The following CHL1 variants were observed in gnomAD, a reference collection of about 807,000 sequenced individuals.
The protein encoded by CHL1 is neural cell adhesion molecule L1-like protein.
CHL1 carries 96 observed loss-of-function variants against 141.9 expected under a neutral mutation model. That is an observed-to-expected ratio of 0.68 (90% CI 0.57 to 0.80). The LOEUF is 0.80. Ranked by LOEUF, CHL1 falls within the 30% of genes least tolerant of loss-of-function variation. CHL1 has a pLI of 0.00. For synonymous variants in CHL1, 613 were observed against 502.2 expected (o/e 1.22, Z -2.95); for missense variants, 1,820 against 1,457.2 (o/e 1.25, Z -4.05).
chr3:213,879 G>A (rs1252292801), intron 1 of CHL1, among the ~76,000 whole-genome samples: 1 of 152,006 alleles, frequency 6.6e-6, no homozygotes, highest in Non-Finnish European at 1.5e-5. Flanking sequence ...AGTACCATTT[G>A]AAAAAACTTT....
intron 2 of CHL1, among the ~76,000 whole-genome samples, chr3:249,062 GAC>G (rs1328071497): frequency 1.3e-5 from 2 of 152,166 alleles, no homozygotes; most frequent in Non-Finnish European, 2.9e-5. Flanking sequence ...GTAAAACATT[GAC>G]ACAAATCACA....
At position 309,160 on chromosome 3, in the gene CHL1, A is replaced by G. The variant is rs1012366470; in HGVS notation, c.-94-10523A>G. 6 of 152,564 alleles carry G rather than the reference A, an allele frequency of 3.9e-5. 1 individual carries two copies. The highest frequency in any genetic ancestry group is 1.3e-4 in the Admixed American group (2 of 15,286). 9.5% of individuals were successfully genotyped at this position (152,564 alleles called of 1,614,324 possible). A position where few individuals can be genotyped will look rare whatever the true frequency, so the allele number is the denominator to read the frequency against. On this transcript the variant is annotated intron_variant, in intron 2 of 27. Transcript: ENST00000256509. ...CCCGGGTCCAGCCTCAGAGCCCAGTATTTCCCACGGCCTCCCCACACACAC... is the reference window on the plus strand; with the variant it reads ...CCCGGGTCCAGCCTCAGAGCCCAGTGTTTCCCACGGCCTCCCCACACACAC...
At position 329,320 on chromosome 3, in the gene CHL1, T is replaced by C. The variant is rs151292500; in HGVS notation, c.385+966T>C. Among the ~76,000 whole-genome samples, 1,092 of 152,048 alleles carry C rather than the reference T, an allele frequency of 7.2e-3. 19 individuals carry two copies. Among genetic ancestry groups the C allele is most frequent in the African/African-American group, 0.025 (1,045 of 41,446 alleles). On this transcript the variant is annotated intron_variant, in intron 5 of 27. Coordinates refer to ENST00000256509, the MANE Select transcript of CHL1 (RefSeq NM_006614.4). ...AAAGAAAGTCCTAGGACTTGCAAAATATGAACACTTGATTCTGGGGGTGCA... is the reference window on the plus strand; with the variant it reads ...AAAGAAAGTCCTAGGACTTGCAAAACATGAACACTTGATTCTGGGGGTGCA...
chr3:229,916 T>C (rs1415710871), intron 1 of CHL1, among the ~76,000 whole-genome samples: 1 of 152,182 alleles, frequency 6.6e-6, no homozygotes, highest in East Asian at 1.9e-4. Context: ...CCGGAGCACA[T>C]GGTCTCTCAA....
intron 9 of CHL1, among the ~76,000 whole-genome samples, chr3:346,080 A>T (rs1318912455): frequency 6.6e-6 from 1 of 152,222 alleles, no homozygotes; most frequent in East Asian, 1.9e-4. Flanking sequence ...TTAGTGGACT[A>T]GGATTTGAAA....
At chr3:326,209 C>CAA in intron 4 of CHL1, 145 bp downstream of exon 4, 3 of 456,972 alleles carry the variant, frequency 6.6e-6, no homozygotes, top group South Asian at 4.9e-5. Context: ...TCCATGCAAA[C>CAA]AAAAAAAAAA....
chr3:220,039 A>G (rs1200039545), intron 1 of CHL1, among the ~76,000 whole-genome samples: 1 of 152,222 alleles, frequency 6.6e-6, no homozygotes, highest in African/African-American at 2.4e-5. Flanking sequence ...AATGACTCTT[A>G]AAAGCATTAT....
intron 15 of CHL1, among the ~76,000 whole-genome samples, chr3:377,533 T>C (rs540285489): frequency 6.6e-6 from 1 of 152,320 alleles, no homozygotes; most frequent in East Asian, 1.9e-4. Flanking sequence ...TCTTTAAACA[T>C]GCCAGGCAAC....
chr3:340,471 A>G (rs887928432), intron 5 of CHL1, among the ~76,000 whole-genome samples: 1 of 152,236 alleles, frequency 6.6e-6, no homozygotes, highest in East Asian at 1.9e-4. Flanking sequence ...TATCAAAGCT[A>G]AAGCAAGAAA....
intron 1 of CHL1, among the ~76,000 whole-genome samples, chr3:215,330 C>T (rs1700226929): frequency 2.0e-5 from 3 of 152,108 alleles, no homozygotes; most frequent in South Asian, 2.1e-4. Flanking sequence ...TAATATCCCA[C>T]GTTCTCACTC....
chr3:312,800 T>G (rs570284791), intron 2 of CHL1, among the ~76,000 whole-genome samples: 1 of 152,302 alleles, frequency 6.6e-6, no homozygotes, highest in South Asian at 2.1e-4. Context: ...AAAAGAAAAT[T>G]TAAACATTTC....
intron 4 of CHL1, 123 bp downstream of exon 4, chr3:326,187 C>CA (rs1315985919): frequency 9.3e-6 from 5 of 534,994 alleles, no homozygotes; most frequent in South Asian, 8.7e-5. Flanking sequence ...TAAGGGTTTA[C>CA]AAAAAATCAT....
At chr3:332,363 A>T (rs1701507764) in intron 5 of CHL1, among the ~76,000 whole-genome samples, 1 of 152,222 alleles carries the variant, frequency 6.6e-6, no homozygotes, top group Non-Finnish European at 1.5e-5. Context: ...GAGAATGATA[A>T]AAACAATATT....
chr3:302,510 T>G (rs975154046), intron 2 of CHL1, among the ~76,000 whole-genome samples: 20 of 152,252 alleles, frequency 1.3e-4, no homozygotes, highest in African/African-American at 4.8e-4. Flanking sequence ...TGATGAGCAT[T>G]TTTTCATATG....
intron 5 of CHL1, among the ~76,000 whole-genome samples, chr3:331,098 T>G (rs1371511855): frequency 6.6e-6 from 1 of 152,166 alleles, no homozygotes; most frequent in Non-Finnish European, 1.5e-5. Flanking sequence ...GGCTGAACAG[T>G]GAAAGGAAAA....
chr3:230,139 C>T (rs1329156873), intron 1 of CHL1, among the ~76,000 whole-genome samples: 3 of 152,140 alleles, frequency 2.0e-5, no homozygotes, highest in Admixed American at 1.3e-4. Flanking sequence ...TCAAAAAGGG[C>T]TTGTTTCTGA....
chr3:354,279 C>G (rs1318703942), intron 10 of CHL1, among the ~76,000 whole-genome samples: 1 of 151,938 alleles, frequency 6.6e-6, no homozygotes, highest in Non-Finnish European at 1.5e-5. Context: ...TTGAAAATAA[C>G]CTGTAGTGAG....
intron 2 of CHL1, among the ~76,000 whole-genome samples, chr3:273,327 A>T (rs935144296): frequency 1.3e-5 from 2 of 152,142 alleles, no homozygotes; most frequent in Admixed American, 6.5e-5. Context: ...AGTTTGCCCC[A>T]CCTGGACCAA....
At chr3:325,873 A>C (rs1045199105) in intron 3 of CHL1, 86 bp from the exon 4 acceptor site, 7 of 803,312 alleles carry the variant, frequency 8.7e-6, no homozygotes, top group African/African-American at 1.8e-5. Context: ...ATCAGTATAC[A>C]AAAGAGGTTT....
Sources: allele counts gnomAD v4.1 joint callset (sites outside exome capture counted in the v4.1 genomes callset), GRCh38; gene constraint gnomAD v4.1.1; transcripts MANE v1.5; gene names NCBI Gene and HGNC (gene_info 2026-07-23, HGNC 2026-07-21).